Variants in SPPL2B observed in about 807,000 individuals in gnomAD.
The protein encoded by SPPL2B is signal peptide peptidase like 2B, also known as signal peptide peptidase-like 2B.
In SPPL2B, 39 loss-of-function variants were observed where a neutral mutation model predicts 59.7. The observed-to-expected ratio is 0.65, with a 90% CI of 0.51 to 0.85. SPPL2B has a LOEUF of 0.85. Among genes scored for constraint, SPPL2B ranks in the 40% least tolerant of loss-of-function variants. The pLI is 0.00. For missense variants in SPPL2B, 865 were observed against 849.0 expected, an observed-to-expected ratio of 1.02 and a Z score of -0.23; for synonymous variants, 419 against 370.8, an observed-to-expected ratio of 1.13 and a Z score of -1.49.
At chr19:2,339,029 G>A in intron 4 of SPPL2B, 40 bp from the exon 5 acceptor site, 1 of 1,535,020 alleles carries the variant, frequency 6.5e-7, no homozygotes, top group South Asian at 1.2e-5. Flanking sequence ...TGGCTGGCGG[G>A]TGGCTCTGAC....
At chr19:2,340,425 G>A in intron 7 of SPPL2B, 1 of 636,888 alleles carries the variant, frequency 1.6e-6, no homozygotes. Flanking sequence ...CCTGCCCCAG[G>A]TCGCAGGCCG....
chr19:2,352,657 G>A (rs1205550893), intron 14 of SPPL2B, among the ~76,000 whole-genome samples: 2 of 152,146 alleles, frequency 1.3e-5, no homozygotes, highest in Non-Finnish European at 2.9e-5. Context: ...CGGGGACCAG[G>A]CCCAGGGGCG....
chr19:2,334,519 CCCTCCTCGGG>C (rs1422303824), intron 1 of SPPL2B, 73 bp from the exon 2 acceptor site: 50 of 1,504,598 alleles, frequency 3.3e-5, no homozygotes, highest in Middle Eastern at 1.8e-4. Flanking sequence ...AGGCGTCCTC[CCCTCCTCGGG>C]CCTGTTTCTC....
In SPPL2B at chr19:2,354,191, C is replaced by T. The variant is rs552202491; in HGVS notation, c.*982C>T. ...GCGGCATTGGTGCCTGGGTTCTTAA[C>T]CCTCTGGACCCAGCAGCTAGGAGCT... On this transcript the variant is annotated 3_prime_UTR_variant, in exon 15 of 15. Transcript: ENST00000613503. 1.3e-5 allele frequency: 2 copies of T among 152,248 alleles called. No homozygotes were observed. The highest frequency in any genetic ancestry group is 2.4e-5 in the African/African-American group (1 of 41,442). The allele number at this position is 152,248 out of a possible 1,614,324, so 9.4% of individuals were successfully genotyped here.
chr19:2,341,021 G>C lies in SPPL2B; in HGVS notation c.956+7G>C, dbSNP rs766826043. ...TCTTCCGCAACGAGGACCAGTAAGT[G>C]CTGCTTCCCCCGGGCCCCGGCGGGC... On this transcript the variant is annotated splice_region_variant and intron_variant, in intron 8 of 14. Coordinates refer to ENST00000613503, the MANE Select transcript of SPPL2B (RefSeq NM_152988.3). The C allele has an allele frequency of 2.5e-6, 4 of 1,598,578 alleles. No individual in the cohort carries two copies. The highest frequency in any genetic ancestry group is 3.3e-5 in the Admixed American group (2 of 59,976).
chr19:2,351,164 C>A (rs548609037), intron 13 of SPPL2B, among the ~76,000 whole-genome samples: 2 of 152,248 alleles, frequency 1.3e-5, no homozygotes, highest in Non-Finnish European at 2.9e-5. Context: ...GACCCTGCCC[C>A]TCCCTGTCCC....
rs938667818 is a variant in SPPL2B at position 2,334,550 on chromosome 19, G to A, written c.67-52G>A. ...TCGGGCCTGTTTCTCGTGGGGCGGT[G>A]CAGCCCCGCACGTCCCGTGCTGTGG... On this transcript the variant is annotated intron_variant, in intron 1 of 14. Coordinates refer to ENST00000613503, the MANE Select transcript of SPPL2B (RefSeq NM_152988.3). The A allele has an allele frequency of 3.8e-6, 6 of 1,566,764 alleles. No individual in the cohort carries two copies. In the Admixed American group the frequency reaches 1.2e-4, roughly 30 times the overall value.
intron 8 of SPPL2B, chr19:2,341,995 C>T (rs369788163): frequency 5.0e-4 from 91 of 180,858 alleles, no homozygotes; most frequent in East Asian, 2.1e-3. Context: ...AAGTACGTGG[C>T]GCCTGGAATT....
chr19:2,349,092 G>C (rs1405025897), intron 13 of SPPL2B, among the ~76,000 whole-genome samples: 1 of 35,474 alleles, frequency 2.8e-5, no homozygotes. Context: ...ACACACTCGC[G>C]TTCTCATTCG....
Position 2,346,947 on chromosome 19 carries a change from C to T in SPPL2B, c.1354+1617C>T, listed in dbSNP as rs865967174. 3.3e-5 allele frequency among the ~76,000 whole-genome samples: 5 copies of T among 152,190 alleles called. 1 individual carries two copies. Among genetic ancestry groups the T allele is most frequent in the Middle Eastern group, 3.4e-3 (1 of 294 alleles). On this transcript the variant is annotated intron_variant, in intron 13 of 14. Coordinates refer to ENST00000613503, the MANE Select transcript of SPPL2B (RefSeq NM_152988.3). ...AAAAGTGCCGGGAGCAGTGTGCTTG[C>T]TGGACACAGCGGCTCTTTTTTTAAG...
rs1243148551 is a variant in SPPL2B, at chr19:2,339,155, T to A, written c.546T>A (p.Ala182=). 1 of 1,601,798 alleles carries A rather than the reference T, an allele frequency of 6.2e-7. No individual in the cohort carries two copies. The highest frequency in any genetic ancestry group is 8.5e-7 in the Non-Finnish European group (1 of 1,174,372). The part of the protein sequence containing the change: ...DYNMVIIFIM[A]VGTVAIGGYW... ...ACATGGTCATCATCTTCATCATGGCTGTGGGCACCGTCGCCATCGGCGGCT... is the reference window on the plus strand; with the variant it reads ...ACATGGTCATCATCTTCATCATGGCAGTGGGCACCGTCGCCATCGGCGGCT... Residue 182 remains alanine, a synonymous_variant, in exon 5 of 15, where the codon GCT becomes GCA. Transcript: ENST00000613503.
Position 2,353,008 on chromosome 19 carries a change from C to T in SPPL2B, c.1578C>T (p.Asp526=), listed in dbSNP as rs867623461. Reference sequence around the variant, plus strand: ...CCGACGGCCCGCAGCCTCCCAAAGACTCTGCCACGCCACTCTCCCCGCAGC... The same window carrying T: ...CCGACGGCCCGCAGCCTCCCAAAGATTCTGCCACGCCACTCTCCCCGCAGC... ...APADGPQPPK[D]SATPLSPQPP... is the part of the protein sequence containing the mutation. Residue 526 remains aspartate, a synonymous_variant, in exon 15 of 15, where the codon GAC becomes GAT. Transcript: ENST00000613503. 5 of 1,612,190 alleles carry T rather than the reference C, an allele frequency of 3.1e-6. No individual in the cohort carries two copies. The highest frequency in any genetic ancestry group is 1.7e-4 in the Middle Eastern group (1 of 6,060).
In SPPL2B at chr19:2,340,187, C is replaced by A; in HGVS notation, c.839+15C>A. On this transcript the variant is annotated intron_variant, in intron 7 of 14. Transcript: ENST00000613503. ...GGCAAGTGCAGGTGAGTCTGCCCTG[C>A]TGGCCCCGACGTGCCTGACTCTGTG... 6.5e-7 allele frequency: 1 copy of A among 1,533,862 alleles called. No homozygotes were observed. The highest frequency in any genetic ancestry group is 8.7e-7 in the Non-Finnish European group (1 of 1,146,690).
intron 1 of SPPL2B, among the ~76,000 whole-genome samples, chr19:2,329,082 T>C (rs1172569727): frequency 6.6e-6 from 1 of 152,254 alleles, no homozygotes; most frequent in Non-Finnish European, 1.5e-5. Flanking sequence ...GGGTCTCCAG[T>C]TGCCGCCGGG....
chr19:2,348,867 A>T (rs1191962655), intron 13 of SPPL2B, among the ~76,000 whole-genome samples: 1 of 129,430 alleles, frequency 7.7e-6, no homozygotes, highest in African/African-American at 3.1e-5. Context: ...ACGCGCTGTC[A>T]TTCGCTTGAT....
rs118191570 is a variant in SPPL2B, at chr19:2,341,367, C to T, written c.956+353C>T. The T allele has an allele frequency of 3.8e-3, 1,903 of 496,282 alleles. 7 individuals carry two copies. Among genetic ancestry groups the T allele is most frequent in the Middle Eastern group, 9.6e-3 (32 of 3,334 alleles). The allele number at this position is 496,282 out of a possible 1,614,324, so 30.7% of individuals were successfully genotyped here. A position where few individuals can be genotyped will look rare whatever the true frequency, so the allele number is the denominator to read the frequency against. ...CCTTTCCTGGCACCCACGTGCACGC[C>T]GCAGGTTCGAGGCCCAGGGTGTGGG... On this transcript the variant is annotated intron_variant, in intron 8 of 14. Transcript: ENST00000613503.
intron 11 of SPPL2B, 64 bp from the exon 12 acceptor site, chr19:2,344,489 G>A: frequency 6.4e-7 from 1 of 1,567,246 alleles, no homozygotes; most frequent in Non-Finnish European, 8.7e-7. Flanking sequence ...AGCGGATAGG[G>A]CTCGAGGCAT....
intron 13 of SPPL2B, among the ~76,000 whole-genome samples, chr19:2,346,549 C>T (rs114382340): frequency 0.016 from 2,362 of 152,176 alleles, 49 homozygotes; most frequent in African/African-American, 0.054. Flanking sequence ...TGCCTGTAGC[C>T]CCAGCTACTC....
rs529477585 is a variant in SPPL2B at position 2,340,148 on chromosome 19, G to A, written c.815G>A (p.Arg272Gln). 89 of 1,580,894 alleles carry A rather than the reference G, an allele frequency of 5.6e-5. No individual in the cohort carries two copies. The South Asian group carries it at 7.4e-4, about 13-fold the overall frequency. Residue 272 changes from arginine to glutamine, a missense_variant, in exon 7 of 15, where the codon CGG becomes CAG. By Grantham distance (43) the Arg-to-Gln change is conservative (BLOSUM62 1). Transcript: ENST00000613503. ...TACAGCTGCCTGGCGCCCTGTGTGC[G>A]GCGGCTGCCCTTCGGCAAGTGCAGG... Reference protein sequence around the residue: ...GLYSCLAPCVRRLPFGKCRIP... With the variant: ...GLYSCLAPCVQRLPFGKCRIP...
Sources: allele counts gnomAD v4.1 joint callset (sites outside exome capture counted in the v4.1 genomes callset), GRCh38; gene constraint gnomAD v4.1.1; transcripts MANE v1.5; gene names NCBI Gene and HGNC (gene_info 2026-07-23, HGNC 2026-07-21).